The following ZBTB20 variants were observed in gnomAD, a reference collection of about 807,000 sequenced individuals.
ZBTB20 encodes zinc finger and BTB domain-containing protein 20.
A neutral mutation model predicts 56.9 loss-of-function variants in ZBTB20; 9 were observed. The observed-to-expected ratio is 0.16, with a 90% CI of 0.10 to 0.28. ZBTB20 has a LOEUF of 0.28. ZBTB20 is among the 10% of genes least tolerant of loss of function. ZBTB20 has a pLI of 1.00. For missense variants in ZBTB20, 655 were observed against 1,003.0 expected (o/e 0.65, Z 4.69); for synonymous variants, 417 against 420.7 (o/e 0.99, Z 0.11).
chr3:115,100,673 T>C (rs1481311958), intron 1 of ZBTB20: 1 of 152,232 alleles, frequency 6.6e-6, no homozygotes, highest in Non-Finnish European at 1.5e-5. Flanking sequence ...TGCTCCATTA[T>C]GAGGAATGTA....
chr3:114,948,615 A>ACT lies in ZBTB20; in HGVS notation c.-456+25749_-456+25750dup, dbSNP rs139677520. ...TCTCTCTCTCTCCTCTCTCTTTCTG[A>ACT]CTCTCTCTCTCTCTCTGTGTCATAG... On this transcript the variant is annotated intron_variant, in intron 3 of 11. Coordinates refer to ENST00000675478, the MANE Select transcript of ZBTB20 (RefSeq NM_001348800.3). 1.3e-3 allele frequency among the ~76,000 whole-genome samples: 182 copies of ACT among 141,480 alleles called. 7 individuals carry two copies. The highest frequency in any genetic ancestry group is 2.0e-3 in the South Asian group (9 of 4,568). The allele number at this position is 141,480 out of a possible 152,430, so 92.8% of individuals were successfully genotyped here.
intron 5 of ZBTB20, among the ~76,000 whole-genome samples, chr3:114,762,659 G>T (rs924116406): frequency 2.0e-5 from 3 of 152,164 alleles, no homozygotes; most frequent in Non-Finnish European, 2.9e-5. Flanking sequence ...GGGAAAACCA[G>T]CAGATGAGTT....
chr3:114,663,987 G>A (rs2060902101), intron 6 of ZBTB20, among the ~76,000 whole-genome samples: 2 of 151,964 alleles, frequency 1.3e-5, no homozygotes, highest in Admixed American at 6.6e-5. Flanking sequence ...CAACGAGACA[G>A]GATTTTGCTT....
intron 5 of ZBTB20, among the ~76,000 whole-genome samples, chr3:114,797,377 T>C (rs1382371738): frequency 6.6e-6 from 1 of 151,866 alleles, no homozygotes; most frequent in East Asian, 1.9e-4. Flanking sequence ...ACAAGCATTC[T>C]ATGTTGAAAT....
At chr3:114,540,600 C>T (rs569964426) in intron 6 of ZBTB20, among the ~76,000 whole-genome samples, 2 of 152,058 alleles carry the variant, frequency 1.3e-5, no homozygotes, top group Non-Finnish European at 1.5e-5. Context: ...TATGGAAAAC[C>T]GGACATTTTG....
intron 1 of ZBTB20, among the ~76,000 whole-genome samples, chr3:115,111,040 AT>A: frequency 2.0e-5 from 3 of 150,842 alleles, no homozygotes; most frequent in Admixed American, 6.6e-5. Flanking sequence ...AAATAAATAA[AT>A]AAATAAAAAT....
At chr3:114,604,684 A>T (rs1426848289) in intron 6 of ZBTB20, among the ~76,000 whole-genome samples, 1 of 152,082 alleles carries the variant, frequency 6.6e-6, no homozygotes, top group Non-Finnish European at 1.5e-5. Flanking sequence ...GGTAAAAAAA[A>T]CTTGGCAGTT....
At chr3:114,856,888 C>T (rs558556332) in intron 4 of ZBTB20, among the ~76,000 whole-genome samples, 1 of 152,208 alleles carries the variant, frequency 6.6e-6, no homozygotes, top group Admixed American at 6.5e-5. Context: ...TGAGTCAGCA[C>T]CATCCACCTT....
intron 6 of ZBTB20, among the ~76,000 whole-genome samples, chr3:114,648,034 A>C (rs960594879): frequency 6.6e-6 from 1 of 152,112 alleles, no homozygotes; most frequent in African/African-American, 2.4e-5. Context: ...ATGGTATGCA[A>C]ATTTTAACTA....
intron 4 of ZBTB20, among the ~76,000 whole-genome samples, chr3:114,829,562 T>C (rs1328240083): frequency 2.0e-5 from 3 of 151,932 alleles, no homozygotes; most frequent in Non-Finnish European, 4.4e-5. Context: ...TCTTAAGTAC[T>C]GTTTCTACTA....
intron 6 of ZBTB20, among the ~76,000 whole-genome samples, chr3:114,533,771 C>A (rs1396690443): frequency 6.6e-6 from 1 of 152,194 alleles, no homozygotes; most frequent in Non-Finnish European, 1.5e-5. Flanking sequence ...GGAAGTCCAT[C>A]AGACTAACAA....
At chr3:114,449,717 T>C (rs1010457986) in intron 7 of ZBTB20, among the ~76,000 whole-genome samples, 2 of 147,940 alleles carry the variant, frequency 1.4e-5, no homozygotes, top group Non-Finnish European at 1.5e-5. Flanking sequence ...GCACAAAAGA[T>C]ACATGTGTTC....
At chr3:115,117,878 T>C (rs2084065529) in intron 1 of ZBTB20, among the ~76,000 whole-genome samples, 1 of 152,204 alleles carries the variant, frequency 6.6e-6, no homozygotes, top group African/African-American at 2.4e-5. Flanking sequence ...CTTTTCATCT[T>C]ACTCTTAATT....
intron 6 of ZBTB20, among the ~76,000 whole-genome samples, chr3:114,653,379 A>G (rs1688771639): frequency 6.6e-6 from 1 of 151,846 alleles, no homozygotes; most frequent in African/African-American, 2.4e-5. Flanking sequence ...TTCTGCATCT[A>G]TTGAGATCAT....
chr3:114,894,734 C>G (rs2074799965), intron 4 of ZBTB20, among the ~76,000 whole-genome samples: 1 of 152,298 alleles, frequency 6.6e-6, no homozygotes, highest in South Asian at 2.1e-4. Context: ...CCTTCCCTCA[C>G]AGCCCTGAGA....
intron 5 of ZBTB20, among the ~76,000 whole-genome samples, chr3:114,735,524 T>G (rs1356670843): frequency 1.3e-5 from 2 of 152,158 alleles, no homozygotes; most frequent in African/African-American, 4.8e-5. Flanking sequence ...TACTGAGGAA[T>G]AGCTTATTTA....
At chr3:114,484,795 TAG>T (rs984198717) in intron 7 of ZBTB20, among the ~76,000 whole-genome samples, 3 of 69,864 alleles carry the variant, frequency 4.3e-5, no homozygotes, top group African/African-American at 1.6e-4. Flanking sequence ...CTCATATCAA[TAG>T]AGTGTGTGTG....
intron 2 of ZBTB20, among the ~76,000 whole-genome samples, chr3:115,016,710 G>A (rs1228485813): frequency 1.3e-5 from 2 of 151,794 alleles, no homozygotes; most frequent in African/African-American, 2.4e-5. Flanking sequence ...TTTGGTTACT[G>A]TAGCCTTGTA....
intron 4 of ZBTB20, among the ~76,000 whole-genome samples, chr3:114,862,405 G>GTT (rs11362876): frequency 1.4e-5 from 2 of 146,438 alleles, no homozygotes. Context: ...AATGGCATCT[G>GTT]TTTTTTTTTT....
Sources: gnomAD v4.1 joint callset for allele counts (sites outside exome capture counted in the v4.1 genomes callset) on GRCh38, gnomAD v4.1.1 for gene constraint, MANE v1.5 for transcripts, NCBI Gene and HGNC (gene_info 2026-07-23, HGNC 2026-07-21) for gene names.